CDHR2: variants seen among roughly 807,000 people sequenced by gnomAD.
The protein encoded by CDHR2 is cadherin-related family member 2.
In CDHR2, 104 loss-of-function variants were observed where a neutral mutation model predicts 138.6. That is an observed-to-expected ratio of 0.75 (90% CI 0.64 to 0.88). The LOEUF is 0.88. CDHR2 is among the 40% of genes least tolerant of loss of function. CDHR2 has a pLI of 0.00. For missense variants in CDHR2, 1,624 were observed against 1,727.6 expected, an observed-to-expected ratio of 0.94 and a Z score of 1.06; for synonymous variants, 755 against 742.8, an observed-to-expected ratio of 1.02 and a Z score of -0.27.
chr5:176,592,449 G>A (rs1431093529), intron 30 of CDHR2, among the ~76,000 whole-genome samples: 6 of 150,278 alleles, frequency 4.0e-5, no homozygotes, highest in African/African-American at 1.2e-4. Flanking sequence ...GATGGATGAT[G>A]ACGGTGGTGG....
intron 1 of CDHR2, 90 bp from the exon 2 acceptor site, chr5:176,565,248 G>T (rs113797331): frequency 5.8e-6 from 5 of 857,838 alleles, no homozygotes; most frequent in African/African-American, 3.3e-5. Context: ...AGCAGTGGTG[G>T]GTGGGCTCAG....
At position 176,568,791 on chromosome 5, in the gene CDHR2, A is replaced by G; in HGVS notation, c.238A>G (p.Lys80Glu). ...TGTCACTCCGAAAACTGGGGAAGTGAAGCTGGCCAGCGCTCTGGACTACGA... is the reference window on the plus strand; with the variant it reads ...TGTCACTCCGAAAACTGGGGAAGTGGAGCTGGCCAGCGCTCTGGACTACGA... The part of the protein sequence containing the change: ...FAVTPKTGEV[K>E]LASALDYETL... The change falls in exon 4 of 32, where the codon AAG (lysine) becomes GAG (glutamate). Residue 80 changes from lysine to glutamate, a missense_variant. By Grantham distance (56) the Lys-to-Glu change is moderately conservative. Around this residue, in one of 3 missense-constraint regions of CDHR2, gnomAD observed 1,061 missense variants for 1,136.6 expected, o/e 0.93. Coordinates refer to ENST00000261944, the MANE Select transcript of CDHR2 (RefSeq NM_017675.6). 1.2e-6 allele frequency: 2 copies of G among 1,614,196 alleles called. No individual in the cohort carries two copies. The highest frequency in any genetic ancestry group is 1.7e-6 in the Non-Finnish European group (2 of 1,180,024).
At chr5:176,591,822 A>T in intron 30 of CDHR2, 1 of 483,562 alleles carries the variant, frequency 2.1e-6, no homozygotes, top group Non-Finnish European at 3.7e-6. Flanking sequence ...GATGGTTGTG[A>T]TGGTGATGGT....
intron 1 of CDHR2, among the ~76,000 whole-genome samples, chr5:176,557,173 G>C (rs1420874648): frequency 8.0e-6 from 1 of 124,720 alleles, no homozygotes; most frequent in Non-Finnish European, 1.7e-5. Context: ...GCACCATGGC[G>C]CCTGGCCTGT....
Position 176,575,773 on chromosome 5 carries a change from G to A in CDHR2, c.894G>A (p.Arg298=), listed in dbSNP as rs373160228. The A allele has an allele frequency of 1.3e-6, 2 of 1,565,836 alleles. No homozygotes were observed. The highest frequency in any genetic ancestry group is 1.7e-6 in the Non-Finnish European group (2 of 1,154,540). ...ACATCGGGGCAGATGGGGTGATCAGGGTCAACGGCTCCCTGGACCGTGAGC... is the reference window on the plus strand; with the variant it reads ...ACATCGGGGCAGATGGGGTGATCAGAGTCAACGGCTCCCTGGACCGTGAGC... ...WFDIGADGVI[R]VNGSLDREQL... is the part of the protein sequence containing the mutation. Residue 298 remains arginine (R), a synonymous_variant, in exon 11 of 32, where the codon AGG becomes AGA. Coordinates refer to ENST00000261944, the MANE Select transcript of CDHR2 (RefSeq NM_017675.6).
At position 176,577,688 on chromosome 5, in the gene CDHR2, A is replaced by G. The variant is rs1470305987; in HGVS notation, c.1402A>G (p.Ile468Val). The G allele has an allele frequency of 6.2e-7, 1 of 1,614,220 alleles. No homozygotes were observed. Among genetic ancestry groups the G allele is most frequent in the East Asian group, 2.2e-5 (1 of 44,880 alleles). Residue 468 changes from isoleucine (I) to valine (V), a missense_variant, in exon 14 of 32, where the codon ATC (isoleucine) becomes GTC (valine). Physicochemically the swap from Ile to Val is conservative, Grantham distance 29. Coordinates refer to ENST00000261944, the MANE Select transcript of CDHR2 (RefSeq NM_017675.6). ...SQNFSVAMVTIHLRDINDHRP... is the reference protein window; with the variant it reads ...SQNFSVAMVTVHLRDINDHRP... ...GAACTTCTCCGTCGCCATGGTGACC[A>G]TCCACCTTAGAGACATTAATGACCA... is the stretch of plus-strand genomic sequence containing the variant.
At chr5:176,592,283 ATGG>A (rs1758893664) in intron 30 of CDHR2, among the ~76,000 whole-genome samples, 1 of 106,472 alleles carries the variant, frequency 9.4e-6, no homozygotes, top group Non-Finnish European at 1.9e-5. Context: ...GATGGTGGTG[ATGG>A]TGATGGTGGT....
intron 16 of CDHR2, among the ~76,000 whole-genome samples, chr5:176,579,578 A>G (rs865959407): frequency 6.6e-6 from 1 of 152,128 alleles, no homozygotes; most frequent in Admixed American, 6.5e-5. Flanking sequence ...GGAGCACTTG[A>G]TGAATTAACT....
intron 21 of CDHR2, among the ~76,000 whole-genome samples, chr5:176,588,608 T>TGC (rs1477449199): frequency 3.0e-4 from 43 of 144,494 alleles, no homozygotes; most frequent in African/African-American, 1.1e-3. Flanking sequence ...TGTGTGTGCA[T>TGC]ATGTGTGTAA....
chr5:176,595,429 G>A (rs1434403010), intron 31 of CDHR2, 103 bp from the exon 32 acceptor site: 1 of 1,329,558 alleles, frequency 7.5e-7, no homozygotes, highest in African/African-American at 1.5e-5. Context: ...CCCCTGCCAA[G>A]GAACCACTGG....
At position 176,589,557 on chromosome 5, in the gene CDHR2, G is replaced by A. The variant is rs374302797; in HGVS notation, c.3147G>A (p.Ser1049=). ...NLFTVDQSYR[S]RLQFSTPKEE... ...TCACCGTGGACCAGAGTTACCGCTCGCGGCTGCAGTTCTCCACACCGAAGG... is the reference window on the plus strand; with the variant it reads ...TCACCGTGGACCAGAGTTACCGCTCACGGCTGCAGTTCTCCACACCGAAGG... The change falls in exon 24 of 32, where the codon TCG becomes TCA. Residue 1049 remains serine (S), a synonymous_variant. Transcript: ENST00000261944. 64 of 1,613,950 alleles carry A rather than the reference G, an allele frequency of 4.0e-5. No homozygotes were observed. Among genetic ancestry groups the A allele is most frequent in the South Asian group, 1.6e-4 (15 of 91,082 alleles).
chr5:176,595,490 A>T, intron 31 of CDHR2, 42 bp from the exon 32 acceptor site: 1 of 1,531,820 alleles, frequency 6.5e-7, no homozygotes, highest in Middle Eastern at 1.8e-4. Context: ...CACTCGCCCC[A>T]CCTTGCCTTG....
chr5:176,578,368 A>T lies in CDHR2; in HGVS notation c.1578A>T (p.Ala526=). ...TGAACCTGGCCCCTCTGAGCAGGGC[A>T]GACCTCTTCCAAGTGGATCCCGTCT... ...ITYSLLPGNG[A]DLFQVDPVSG... Residue 526 remains alanine (A), a synonymous_variant, in exon 16 of 32, where the codon GCA becomes GCT. Coordinates refer to ENST00000261944, the MANE Select transcript of CDHR2 (RefSeq NM_017675.6). 6.2e-7 allele frequency: 1 copy of T among 1,612,326 alleles called. No individual in the cohort carries two copies. Among genetic ancestry groups the T allele is most frequent in the Non-Finnish European group, 8.5e-7 (1 of 1,179,272 alleles).
chr5:176,592,936 T>C (rs565001704), intron 31 of CDHR2, among the ~76,000 whole-genome samples, 156 bp downstream of exon 31: 1 of 152,294 alleles, frequency 6.6e-6, no homozygotes, highest in East Asian at 1.9e-4. Context: ...TGGGGTCCAA[T>C]TCCTGCTCCT....
Position 176,578,603 on chromosome 5 carries a change from AT to A in CDHR2, c.1814del (p.Ile605ThrfsTer59). The A allele has an allele frequency of 6.2e-7, 1 of 1,610,486 alleles. No homozygotes were observed. The highest frequency in any genetic ancestry group is 8.5e-7 in the Non-Finnish European group (1 of 1,179,974). On this transcript the variant is annotated frameshift_variant, in exon 16 of 32. Coordinates refer to ENST00000261944, the MANE Select transcript of CDHR2 (RefSeq NM_017675.6). LOFTEE classifies it high-confidence loss of function. ...GGAGGAGGGCAATGTCTCCGTGACC[AT>A]CCAGGTGTGAGCCTGCCTGGACCTG... ...QEEEGNVSVT[I>X]QAHDNDEPGT...
At chr5:176,554,917 G>A (rs1392678599) in intron 1 of CDHR2, among the ~76,000 whole-genome samples, 2 of 152,162 alleles carry the variant, frequency 1.3e-5, no homozygotes, top group African/African-American at 4.8e-5. Context: ...GCCTCCCAAA[G>A]TGCTGGGATT....
intron 30 of CDHR2, chr5:176,591,826 T>C (rs1758861292): frequency 1.9e-6 from 1 of 538,500 alleles, no homozygotes; most frequent in African/African-American, 2.0e-5. Context: ...GTTGTGATGG[T>C]GATGGTGGTG....
intron 31 of CDHR2, among the ~76,000 whole-genome samples, chr5:176,594,483 G>A (rs1384542315): frequency 6.6e-6 from 1 of 152,206 alleles, no homozygotes; most frequent in Non-Finnish European, 1.5e-5. Context: ...AACCAGCAAG[G>A]AAATTCACAT....
rs1757518214 is a variant in CDHR2, at chr5:176,543,841, C to G, written c.-16+1072C>G. ...CCTTCTTCAGGAGGAGGATGGGAGA[C>G]TCCAGTGACAACAAAACGAGGCGGC... On this transcript the variant is annotated intron_variant, in intron 1 of 31. Transcript: ENST00000510636. The surrounding 1 kb of genome is among the most constrained non-coding windows in gnomAD (Gnocchi z 4.0). 6.6e-6 allele frequency: 1 copy of G among 152,352 alleles called. No individual in the cohort carries two copies. Among genetic ancestry groups the G allele is most frequent in the Non-Finnish European group, 1.5e-5 (1 of 68,148 alleles). The allele number at this position is 152,352 out of a possible 1,614,324, so 9.4% of individuals were successfully genotyped here.
Sources: gnomAD v4.1 joint callset for allele counts (sites outside exome capture counted in the v4.1 genomes callset) on GRCh38, gnomAD v4.1.1 for gene constraint, gnomAD v4.1.1 regional missense constraint, Gnocchi (gnomAD v3.1) non-coding constraint, MANE v1.5 for transcripts, NCBI Gene and HGNC (gene_info 2026-07-23, HGNC 2026-07-21) for gene names.